Variants in PSD3 observed in about 807,000 individuals in gnomAD.
PSD3 encodes the protein PH and SEC7 domain-containing protein 3.
In PSD3, 49 loss-of-function variants were observed where a neutral mutation model predicts 105.5. The ratio of observed to expected loss-of-function variants is 0.46; its 90% CI spans 0.37 to 0.59. The LOEUF (loss-of-function observed/expected upper bound fraction) is 0.59, where lower values mean the gene tolerates loss of function less well. Ranked by LOEUF, PSD3 falls within the 20% of genes least tolerant of loss-of-function variation. The pLI is 0.00. For missense variants in PSD3, 1,561 were observed against 1,263.8 expected, an observed-to-expected ratio of 1.24 and a Z score of -3.57; for synonymous variants, 557 against 457.8, an observed-to-expected ratio of 1.22 and a Z score of -2.77.
In PSD3 at chr8:18,871,683, A is replaced by T. The variant is rs774467318; in HGVS notation, c.1181T>A (p.Leu394Gln). 2 of 1,613,814 alleles carry T rather than the reference A, an allele frequency of 1.2e-6. No homozygotes were observed. Among genetic ancestry groups the T allele is most frequent in the East Asian group, 2.2e-5 (1 of 44,866 alleles). Reference sequence around the variant, plus strand: ...CTCAAGATGCTGTTTGTTTTCCTGTAGGAAGACTTCATCCTCTCCACTCTC... The same window carrying T: ...CTCAAGATGCTGTTTGTTTTCCTGTTGGAAGACTTCATCCTCTCCACTCTC... ...LDESGEDEVF[L>Q]QENKQHLEKT... Residue 394 changes from leucine (L) to glutamine (Q), a missense_variant, in exon 3 of 16, where the codon CTA (leucine) becomes CAA (glutamine). Transcript: ENST00000327040.
chr8:18,869,988 A>C (rs1817217736), intron 3 of PSD3, among the ~76,000 whole-genome samples: 9 of 152,202 alleles, frequency 5.9e-5, no homozygotes, highest in Admixed American at 5.9e-4. Flanking sequence ...TGAATTATTA[A>C]TCTGAACAAC....
intron 8 of PSD3, among the ~76,000 whole-genome samples, chr8:18,768,851 G>A (rs73666712): frequency 0.023 from 3,503 of 152,168 alleles, 105 homozygotes; most frequent in African/African-American, 0.071. Flanking sequence ...AGAATGCATA[G>A]TTTGTATGAA....
chr8:18,912,295 T>A (rs371036214), intron 2 of PSD3, among the ~76,000 whole-genome samples: 1 of 152,082 alleles, frequency 6.6e-6, no homozygotes, highest in African/African-American at 2.4e-5. Context: ...CCGAAACAAA[T>A]CTGAAGGAAA....
intron 1 of PSD3, among the ~76,000 whole-genome samples, chr8:18,943,523 C>T (rs1226517738): frequency 6.6e-6 from 1 of 152,046 alleles, no homozygotes; most frequent in African/African-American, 2.4e-5. Flanking sequence ...AGGAAAAGAA[C>T]AATTCAATGC....
chr8:18,608,452 T>C (rs1339629729), intron 11 of PSD3, among the ~76,000 whole-genome samples: 1 of 152,180 alleles, frequency 6.6e-6, no homozygotes, highest in East Asian at 1.9e-4. Flanking sequence ...CACATACACA[T>C]GAAGACCACA....
intron 1 of PSD3, among the ~76,000 whole-genome samples, chr8:19,079,368 T>C (rs1211567071): frequency 6.6e-6 from 1 of 152,236 alleles, no homozygotes; most frequent in African/African-American, 2.4e-5. Flanking sequence ...ACTGCACATT[T>C]AATCTATATA....
chr8:19,055,262 C>CT (rs1345064853), intron 1 of PSD3, among the ~76,000 whole-genome samples: 5 of 151,414 alleles, frequency 3.3e-5, no homozygotes, highest in Admixed American at 1.3e-4. Flanking sequence ...TTTATAGACT[C>CT]TTTTTTTTTG....
chr8:18,976,761 G>C (rs377281009), intron 1 of PSD3, among the ~76,000 whole-genome samples: 1 of 152,154 alleles, frequency 6.6e-6, no homozygotes, highest in East Asian at 1.9e-4. Context: ...ATCCATAGTA[G>C]CTGATTTTAT....
chr8:18,937,241 C>T (rs891993830), intron 1 of PSD3, among the ~76,000 whole-genome samples: 5 of 152,142 alleles, frequency 3.3e-5, no homozygotes, highest in African/African-American at 1.2e-4. Context: ...CAGTCAGGGA[C>T]GCCTTCTTTT....
chr8:18,692,113 T>C lies in PSD3; in HGVS notation c.2173-36428A>G, dbSNP rs1801005273. On this transcript the variant is annotated intron_variant, in intron 9 of 15. Coordinates refer to ENST00000327040, the MANE Select transcript of PSD3 (RefSeq NM_015310.4). ...CCATTTGGTACAATGTAAGAGTAAC[T>C]GTAAGCTCTATAGTGCAAAAGACAA... Among the ~76,000 whole-genome samples the C allele has an allele frequency of 2.0e-5, 3 of 152,208 alleles. No individual in the cohort carries two copies. In the South Asian group the frequency reaches 6.2e-4, roughly 32 times the overall value.
chr8:19,055,380 C>T lies in PSD3; in HGVS notation c.324+28826G>A, dbSNP rs1050178693. On this transcript the variant is annotated intron_variant, in intron 1 of 1. Coordinates refer to the PSD3 transcript ENST00000521475. ...GTGATTGTCCTGCCTCAGCCTCCCA[C>T]GTAGCTGGGGTTACAGGCGCCCGCC... 6.6e-5 allele frequency among the ~76,000 whole-genome samples: 10 copies of T among 152,028 alleles called. No individual in the cohort carries two copies. In the East Asian group the frequency reaches 1.2e-3, roughly 18 times the overall value.
rs139648260 is a variant in PSD3 at position 18,673,202 on chromosome 8, C to CCACA, written c.2173-17521_2173-17518dup. On this transcript the variant is annotated intron_variant, in intron 9 of 15. Coordinates refer to ENST00000327040, the MANE Select transcript of PSD3 (RefSeq NM_015310.4). ...TGGTTCTCTTAACACACACACCCAT[C>CCACA]CACACACACACACACACCCACACAC... Among the ~76,000 whole-genome samples, 4 of 142,910 alleles carry CCACA rather than the reference C, an allele frequency of 2.8e-5. No homozygotes were observed. In the South Asian group the frequency reaches 6.8e-4, roughly 24 times the overall value. The allele number at this position is 142,910 out of a possible 152,430, so 93.8% of individuals were successfully genotyped here.
At chr8:18,670,888 A>T (rs1020204806) in intron 9 of PSD3, among the ~76,000 whole-genome samples, 1 of 152,108 alleles carries the variant, frequency 6.6e-6, no homozygotes, top group African/African-American at 2.4e-5. Flanking sequence ...GGGATTTTCA[A>T]TGTATAATCT....
chr8:19,013,483 C>T, intron 1 of PSD3, 80 bp downstream of exon 1: 1 of 1,567,046 alleles, frequency 6.4e-7, no homozygotes, highest in Non-Finnish European at 8.6e-7. Flanking sequence ...GACAGAGCGG[C>T]GACAAAGCAA....
At chr8:19,004,734 T>A (rs904770219) in intron 1 of PSD3, among the ~76,000 whole-genome samples, 1 of 152,054 alleles carries the variant, frequency 6.6e-6, no homozygotes, top group African/African-American at 2.4e-5. Flanking sequence ...AATTCCCATG[T>A]GTCGTGTGAG....
At position 18,804,692 on chromosome 8, in the gene PSD3, G is replaced by A; in HGVS notation, c.1829+12C>T. On this transcript the variant is annotated intron_variant, in intron 5 of 15. Coordinates refer to ENST00000327040, the MANE Select transcript of PSD3 (RefSeq NM_015310.4). ...GAGAGAATTCAGACTCCAGCAATGG[G>A]TCAGAACGTACTTCTTGCCAAGGTG... 6.2e-7 allele frequency: 1 copy of A among 1,613,540 alleles called. No individual in the cohort carries two copies. The highest frequency in any genetic ancestry group is 8.5e-7 in the Non-Finnish European group (1 of 1,179,698).
intron 9 of PSD3, among the ~76,000 whole-genome samples, chr8:18,756,401 T>C (rs1271905275): frequency 6.6e-6 from 1 of 152,204 alleles, no homozygotes; most frequent in African/African-American, 2.4e-5. Context: ...CTTTTGAAAA[T>C]GCTGCAATGA....
chr8:18,655,794 C>T, intron 9 of PSD3, 109 bp from the exon 10 acceptor site: 1 of 999,910 alleles, frequency 1.0e-6, no homozygotes, highest in Non-Finnish European at 1.5e-6. Context: ...ACGAAGCCCC[C>T]CTTGTCAGTC....
intron 1 of PSD3, among the ~76,000 whole-genome samples, chr8:19,072,884 T>G (rs188421687): frequency 6.6e-6 from 1 of 152,332 alleles, no homozygotes; most frequent in Admixed American, 6.5e-5. Context: ...AGGACTCAAG[T>G]GAACGTGAAA....
Sources: allele counts gnomAD v4.1 joint callset (sites outside exome capture counted in the v4.1 genomes callset), GRCh38; gene constraint gnomAD v4.1.1; transcripts MANE v1.5; gene names NCBI Gene and HGNC (gene_info 2026-07-23, HGNC 2026-07-21).